Variants in NKAIN3 observed in about 807,000 individuals in gnomAD.
The protein encoded by NKAIN3 is sodium/potassium transporting ATPase interacting 3, also known as sodium/potassium-transporting ATPase subunit beta-1-interacting protein 3.
Under a neutral mutation model 30.2 loss-of-function variants are expected in NKAIN3, and 25 were observed. That is an observed-to-expected ratio of 0.83 (90% confidence interval 0.60 to 1.16). The LOEUF (loss-of-function observed/expected upper bound fraction) is 1.16. Among genes scored for constraint, NKAIN3 ranks in the 50% most tolerant of loss-of-function variants. NKAIN3 has a pLI of 0.00. For synonymous variants in NKAIN3, 91 were observed against 89.6 expected (o/e 1.02, Z -0.09); for missense variants, 225 against 254.1 (o/e 0.89, Z 0.78).
intron 1 of NKAIN3, among the ~76,000 whole-genome samples, chr8:62,557,693 T>C (rs2129964138): frequency 6.6e-6 from 1 of 152,230 alleles, no homozygotes; most frequent in African/African-American, 2.4e-5. Flanking sequence ...TTGTTGACCA[T>C]TTGTATATCT....
At chr8:62,667,482 AT>A (rs1415761117) in intron 3 of NKAIN3, among the ~76,000 whole-genome samples, 5 of 151,154 alleles carry the variant, frequency 3.3e-5, no homozygotes, top group African/African-American at 9.7e-5. Flanking sequence ...AGTAACTCAG[AT>A]TAGGAGTCAT....
At chr8:62,389,432 A>C (rs1817521743) in intron 1 of NKAIN3, among the ~76,000 whole-genome samples, 1 of 152,130 alleles carries the variant, frequency 6.6e-6, no homozygotes, top group Admixed American at 6.6e-5. Context: ...TTAAGGCCAA[A>C]GTAGGAAATG....
chr8:62,767,757 G>A (rs1816889542), intron 4 of NKAIN3, among the ~76,000 whole-genome samples: 1 of 151,818 alleles, frequency 6.6e-6, no homozygotes, highest in South Asian at 2.1e-4. Flanking sequence ...CAATGTGACA[G>A]CCACCAGCCT....
At chr8:62,607,798 A>G (rs1811172309) in intron 3 of NKAIN3, among the ~76,000 whole-genome samples, 1 of 152,160 alleles carries the variant, frequency 6.6e-6, no homozygotes, top group South Asian at 2.1e-4. Flanking sequence ...GAATATTTAT[A>G]AAATACTGTG....
chr8:62,690,673 A>G (rs1813939437), intron 3 of NKAIN3, among the ~76,000 whole-genome samples: 1 of 152,188 alleles, frequency 6.6e-6, no homozygotes, highest in Non-Finnish European at 1.5e-5. Flanking sequence ...ACTCCCAGCC[A>G]GCTTCTCAAT....
chr8:62,440,421 A>G (rs1002444121), intron 1 of NKAIN3, among the ~76,000 whole-genome samples: 3 of 152,178 alleles, frequency 2.0e-5, no homozygotes, highest in South Asian at 2.1e-4. Flanking sequence ...TTTAACCAAT[A>G]TATTAGCACG....
intron 3 of NKAIN3, among the ~76,000 whole-genome samples, chr8:62,591,880 CA>C (rs1810665191): frequency 6.6e-6 from 1 of 151,916 alleles, no homozygotes; most frequent in South Asian, 2.1e-4. Flanking sequence ...TTGACAAACA[CA>C]AATACCAGCC....
chr8:62,781,808 G>A (rs1817360699), intron 4 of NKAIN3, among the ~76,000 whole-genome samples: 1 of 151,624 alleles, frequency 6.6e-6, no homozygotes, highest in African/African-American at 2.4e-5. Flanking sequence ...ATGGATTAAA[G>A]ATTTTAAAGT....
intron 4 of NKAIN3, among the ~76,000 whole-genome samples, chr8:62,821,872 A>G (rs1260306915): frequency 6.6e-6 from 1 of 151,704 alleles, no homozygotes; most frequent in East Asian, 1.9e-4. Flanking sequence ...AAAATAATGA[A>G]TTTTTATTTG....
intron 1 of NKAIN3, among the ~76,000 whole-genome samples, chr8:62,376,618 C>G (rs1817092899): frequency 6.6e-6 from 1 of 152,150 alleles, no homozygotes; most frequent in African/African-American, 2.4e-5. Context: ...ACCATTTTCT[C>G]TAGGTACTGA....
At chr8:62,369,010 C>T (rs772437095) in intron 1 of NKAIN3, among the ~76,000 whole-genome samples, 16 of 152,058 alleles carry the variant, frequency 1.1e-4, no homozygotes, top group Non-Finnish European at 2.9e-5. Context: ...TAGGTGGCTC[C>T]TGGAATCATG....
intron 3 of NKAIN3, among the ~76,000 whole-genome samples, chr8:62,674,620 G>A (rs937917160): frequency 6.6e-6 from 1 of 152,122 alleles, no homozygotes; most frequent in Non-Finnish European, 1.5e-5. Flanking sequence ...AAAAGTTTCT[G>A]GTGCCTGGCT....
chr8:62,791,096 C>T (rs1454242303), intron 4 of NKAIN3, among the ~76,000 whole-genome samples: 6 of 152,048 alleles, frequency 3.9e-5, no homozygotes, highest in Non-Finnish European at 7.4e-5. Context: ...CCTCAAATCT[C>T]ACTTCTGCTG....
At chr8:62,790,527 A>G (rs924490370) in intron 4 of NKAIN3, among the ~76,000 whole-genome samples, 4 of 151,944 alleles carry the variant, frequency 2.6e-5, no homozygotes, top group African/African-American at 9.6e-5. Flanking sequence ...ACCACTAGGC[A>G]GTGAGCAAGA....
At chr8:62,752,883 A>C (rs545281274) in intron 4 of NKAIN3, among the ~76,000 whole-genome samples, 2 of 152,312 alleles carry the variant, frequency 1.3e-5, no homozygotes, top group Non-Finnish European at 1.5e-5. Context: ...AAAACTATAG[A>C]GAAAACATAC....
intron 3 of NKAIN3, among the ~76,000 whole-genome samples, chr8:62,717,065 T>A (rs1814929351): frequency 6.6e-6 from 1 of 152,180 alleles, no homozygotes; most frequent in Non-Finnish European, 1.5e-5. Flanking sequence ...ACCTTAAAAA[T>A]TACTATGTGA....
intron 1 of NKAIN3, among the ~76,000 whole-genome samples, chr8:62,289,118 G>A (rs1046070803): frequency 3.3e-5 from 5 of 152,152 alleles, no homozygotes; most frequent in Non-Finnish European, 7.3e-5. Flanking sequence ...ATTTGTTTAA[G>A]TTCTTTGTAG....
chr8:62,553,174 C>A (rs905652953), intron 1 of NKAIN3, among the ~76,000 whole-genome samples: 1 of 152,116 alleles, frequency 6.6e-6, no homozygotes, highest in Non-Finnish European at 1.5e-5. Context: ...TGGACTCACC[C>A]CTTCCACTTG....
chr8:62,745,592 C>T (rs1290963005), intron 3 of NKAIN3, among the ~76,000 whole-genome samples: 2 of 152,266 alleles, frequency 1.3e-5, no homozygotes, highest in African/African-American at 4.8e-5. Flanking sequence ...TTGTTTATGA[C>T]CACAACATTA....
Sources: gnomAD v4.1 joint callset for allele counts (sites outside exome capture counted in the v4.1 genomes callset) on GRCh38, gnomAD v4.1.1 for gene constraint, MANE v1.5 for transcripts, NCBI Gene and HGNC (gene_info 2026-07-23, HGNC 2026-07-21) for gene names.